Variants in BIRC6 observed in about 807,000 individuals in gnomAD.
BIRC6 encodes dual E2 ubiquitin-conjugating enzyme/E3 ubiquitin-protein ligase BIRC6.
In BIRC6, 98 loss-of-function variants were observed where a neutral mutation model predicts 503.3. The observed-to-expected ratio is 0.19, with a 90% CI of 0.17 to 0.23. BIRC6 has a LOEUF of 0.23. Among genes scored for constraint, BIRC6 ranks in the 10% least tolerant of loss-of-function variants. The pLI, the probability that BIRC6 is intolerant of heterozygous loss-of-function variation, is 1.00. For synonymous variants in BIRC6, 2,240 were observed against 2,078.7 expected (o/e 1.08, Z -2.11); for missense variants, 5,360 against 5,806.0 (o/e 0.92, Z 2.50).
Position 32,614,967 on chromosome 2 carries a change from A to G in BIRC6, c.14395-2758A>G, listed in dbSNP as rs945040929. Among the ~76,000 whole-genome samples the G allele has an allele frequency of 9.2e-5, 14 of 152,272 alleles. No individual in the cohort carries two copies. In the East Asian group the frequency reaches 1.4e-3, roughly 15 times the overall value. On this transcript the variant is annotated intron_variant, in intron 73 of 73. Transcript: ENST00000421745. ...GTAATTTATAACAAAAAGACATTCA[A>G]TGGGCCCATGGTTCTGTAGGCTGTA...
At chr2:32,502,025 GATT>G in intron 47 of BIRC6, 137 bp downstream of exon 47, 2 of 796,296 alleles carry the variant, frequency 2.5e-6, no homozygotes. Context: ...GAGGGCTGTG[GATT>G]ATTAATAAAA....
At chr2:32,587,569 C>A (rs971528313) in intron 66 of BIRC6, among the ~76,000 whole-genome samples, 2 of 151,880 alleles carry the variant, frequency 1.3e-5, no homozygotes, top group Admixed American at 6.6e-5. Context: ...ACTAATAATA[C>A]AAAAATTAGC....
chr2:32,376,486 A>G (rs1018397713), intron 1 of BIRC6, among the ~76,000 whole-genome samples: 3 of 152,236 alleles, frequency 2.0e-5, no homozygotes, highest in African/African-American at 7.2e-5. Flanking sequence ...TTAACTTTAT[A>G]GTAGATTTGT....
rs1443435742 is a variant in BIRC6, at chr2:32,515,101, C to A, written c.10680C>A (p.Leu3560=). 6.2e-7 allele frequency: 1 copy of A among 1,613,938 alleles called. No individual in the cohort carries two copies. The highest frequency in any genetic ancestry group is 2.2e-5 in the East Asian group (1 of 44,872). The change falls in exon 55 of 74, where the codon CTC becomes CTA. Residue 3560 remains leucine (L), a synonymous_variant. Transcript: ENST00000421745. ...CHVHPNYFSL[L]MGWMGITPPP... ...TACACCCAAACTATTTTTCTTTGCTCATGGGCTGGATGGGAATTACCCCTC... is the reference window on the plus strand; with the variant it reads ...TACACCCAAACTATTTTTCTTTGCTAATGGGCTGGATGGGAATTACCCCTC...
Position 32,399,862 on chromosome 2 carries a change from A to G in BIRC6, c.1035-1301A>G, listed in dbSNP as rs1390120801. Among the ~76,000 whole-genome samples the G allele has an allele frequency of 2.0e-5, 3 of 152,078 alleles. No homozygotes were observed. The East Asian group carries it at 5.8e-4, about 29-fold the overall frequency. ...GAGTGCAGTGGCACGATCGTAGCTC[A>G]CTGCAGCCTTGAACACCCAGGCTCG... On this transcript the variant is annotated intron_variant, in intron 6 of 73. Transcript: ENST00000421745.
intron 26 of BIRC6, 84 bp from the exon 27 acceptor site, chr2:32,467,441 A>G: frequency 3.7e-6 from 4 of 1,073,198 alleles, no homozygotes; most frequent in Non-Finnish European, 5.6e-6. Flanking sequence ...TCATATTTTA[A>G]GATGAGTGCT....
chr2:32,476,619 A>C (rs17820747), intron 34 of BIRC6, among the ~76,000 whole-genome samples: 31,318 of 152,098 alleles, frequency 0.21, 3,421 homozygotes, highest in Admixed American at 0.29. Flanking sequence ...TGTGGCATTG[A>C]TAGAGCAGTT....
intron 65 of BIRC6, chr2:32,565,697 G>A (rs1472812496): frequency 6.6e-6 from 1 of 152,210 alleles, no homozygotes; most frequent in Non-Finnish European, 1.5e-5. Flanking sequence ...GAATTATAAA[G>A]GAAAGAGGTT....
chr2:32,561,020 A>G (rs890136812), intron 65 of BIRC6, among the ~76,000 whole-genome samples: 1 of 151,908 alleles, frequency 6.6e-6, no homozygotes, highest in Non-Finnish European at 1.5e-5. Flanking sequence ...CAACATAGTG[A>G]AACCCCATCT....
intron 49 of BIRC6, among the ~76,000 whole-genome samples, chr2:32,504,494 C>T (rs561598831): frequency 1.5e-4 from 22 of 151,676 alleles, no homozygotes; most frequent in Admixed American, 1.1e-3. Context: ...GGTGAAACCC[C>T]GTCTCTACTA....
At chr2:32,462,870 C>CT (rs2048152968) in intron 23 of BIRC6, among the ~76,000 whole-genome samples, 1 of 151,538 alleles carries the variant, frequency 6.6e-6, no homozygotes, top group South Asian at 2.1e-4. Context: ...GCACAAGAAT[C>CT]TCTTGAACCC....
chr2:32,448,549 G>A (rs1002081856), intron 21 of BIRC6, among the ~76,000 whole-genome samples: 7 of 152,200 alleles, frequency 4.6e-5, no homozygotes, highest in Non-Finnish European at 1.0e-4. Flanking sequence ...CACTCGGCAG[G>A]CTGAGGCAGG....
intron 57 of BIRC6, chr2:32,523,526 A>G (rs924936669): frequency 6.6e-6 from 1 of 152,226 alleles, no homozygotes; most frequent in Admixed American, 6.5e-5. Flanking sequence ...TTTGTTAGAA[A>G]GTAAAATGTA....
At chr2:32,359,796 C>T (rs950560015) in intron 1 of BIRC6, among the ~76,000 whole-genome samples, 16 of 151,946 alleles carry the variant, frequency 1.1e-4, no homozygotes, top group African/African-American at 3.6e-4. Context: ...CTTGAACTTC[C>T]GGCCTCAAAT....
intron 23 of BIRC6, among the ~76,000 whole-genome samples, chr2:32,456,259 T>C (rs534169560): frequency 6.6e-6 from 1 of 152,338 alleles, no homozygotes; most frequent in South Asian, 2.1e-4. Context: ...CTGTATAACA[T>C]AGAATTGCAC....
chr2:32,507,061 G>T (rs1012405848), intron 50 of BIRC6, among the ~76,000 whole-genome samples: 3 of 151,972 alleles, frequency 2.0e-5, no homozygotes, highest in Non-Finnish European at 4.4e-5. Flanking sequence ...ATAATTTTCT[G>T]GTAGTTCATT....
chr2:32,441,232 C>A, intron 16 of BIRC6, 97 bp from the exon 17 acceptor site: 1 of 893,488 alleles, frequency 1.1e-6, no homozygotes, highest in Non-Finnish European at 1.7e-6. Context: ...TTTTGATGGC[C>A]ACAATTCAGT....
intron 65 of BIRC6, among the ~76,000 whole-genome samples, chr2:32,560,559 G>A (rs1158554868): frequency 1.3e-5 from 2 of 152,100 alleles, no homozygotes; most frequent in African/African-American, 4.8e-5. Flanking sequence ...TTGTTTACAT[G>A]TGAATATAAT....
At chr2:32,489,578 G>A (rs1337005050) in intron 42 of BIRC6, among the ~76,000 whole-genome samples, 2 of 152,238 alleles carry the variant, frequency 1.3e-5, no homozygotes, top group Admixed American at 6.5e-5. Context: ...TTGAGAGGCC[G>A]AGGTGGGCAG....
Sources: allele counts gnomAD v4.1 joint callset (sites outside exome capture counted in the v4.1 genomes callset), GRCh38; gene constraint gnomAD v4.1.1; transcripts MANE v1.5; gene names NCBI Gene and HGNC (gene_info 2026-07-23, HGNC 2026-07-21).